SLC24A3: variants seen among roughly 807,000 people sequenced by gnomAD.
SLC24A3 encodes solute carrier family 24 member 3, also known as sodium/potassium/calcium exchanger 3.
Under a neutral mutation model 75.8 loss-of-function variants are expected in SLC24A3, and 28 were observed. The observed-to-expected ratio is 0.37, with a 90% CI of 0.27 to 0.51. The LOEUF is 0.51. SLC24A3 is among the 20% of genes least tolerant of loss of function. SLC24A3 has a pLI of 0.94. For missense variants in SLC24A3, 663 were observed against 847.8 expected (o/e 0.78, Z 2.71); for synonymous variants, 372 against 334.1 (o/e 1.11, Z -1.24).
chr20:19,312,658 C>T (rs1220393725), intron 2 of SLC24A3, among the ~76,000 whole-genome samples: 1 of 152,222 alleles, frequency 6.6e-6, no homozygotes, highest in Non-Finnish European at 1.5e-5. Flanking sequence ...ACTTGCTAAA[C>T]TGCTGCCTTG....
chr20:19,643,973 C>G (rs1484310102), intron 6 of SLC24A3, among the ~76,000 whole-genome samples: 1 of 152,192 alleles, frequency 6.6e-6, no homozygotes, highest in Non-Finnish European at 1.5e-5. Flanking sequence ...GTTTGGACTT[C>G]TTTATACCGT....
At chr20:19,685,468 T>C in intron 12 of SLC24A3, 107 bp downstream of exon 12, 3 of 1,512,938 alleles carry the variant, frequency 2.0e-6, no homozygotes, top group Non-Finnish European at 2.7e-6. Flanking sequence ...AAAATCTCTG[T>C]ATGAACATGA....
At chr20:19,477,567 C>T (rs959077420) in intron 2 of SLC24A3, among the ~76,000 whole-genome samples, 4 of 152,180 alleles carry the variant, frequency 2.6e-5, no homozygotes, top group Non-Finnish European at 5.9e-5. Context: ...GAGATCAGTG[C>T]TTCATCCAGA....
chr20:19,369,943 C>G (rs1423047595), intron 2 of SLC24A3, among the ~76,000 whole-genome samples: 1 of 152,152 alleles, frequency 6.6e-6, no homozygotes, highest in Non-Finnish European at 1.5e-5. Context: ...GCTGAGGTTA[C>G]AAGCGTGAGC....
Position 19,546,186 on chromosome 20 carries a change from A to AACCAGGT in SLC24A3, c.348+30623_348+30624insCCAGGTA, listed in dbSNP as rs1555799271. Among the ~76,000 whole-genome samples the AACCAGGT allele has an allele frequency of 2.8e-5, 4 of 143,542 alleles. No individual in the cohort carries two copies. In the East Asian group the frequency reaches 8.2e-4, roughly 29 times the overall value. The allele number at this position is 143,542 out of a possible 152,430, so 94.2% of individuals were successfully genotyped here. On this transcript the variant is annotated intron_variant, in intron 3 of 16. Coordinates refer to ENST00000328041, the MANE Select transcript of SLC24A3 (RefSeq NM_020689.4). ...AAAAAAAAAAAAAAAAAAAAAAAAA[A>AACCAGGT]AACCAGGTAATCGACCTGAGCCTTC... is the stretch of plus-strand genomic sequence containing the variant.
At chr20:19,251,824 C>T (rs929750497) in intron 1 of SLC24A3, among the ~76,000 whole-genome samples, 1 of 152,192 alleles carries the variant, frequency 6.6e-6, no homozygotes, top group African/African-American at 2.4e-5. Flanking sequence ...CAGGACACTG[C>T]ACCAGGGCAG....
At chr20:19,669,852 T>C (rs768700746) in intron 8 of SLC24A3, among the ~76,000 whole-genome samples, 1 of 151,966 alleles carries the variant, frequency 6.6e-6, no homozygotes, top group African/African-American at 2.4e-5. Context: ...GAACCGTCTT[T>C]GGTGAGAATC....
chr20:19,307,910 A>G (rs1340732914), intron 2 of SLC24A3, among the ~76,000 whole-genome samples: 2 of 152,336 alleles, frequency 1.3e-5, no homozygotes, highest in African/African-American at 2.4e-5. Flanking sequence ...CCCAGCAGAC[A>G]TCGGTTTGCT....
chr20:19,564,191 A>G (rs2030920753), intron 3 of SLC24A3, among the ~76,000 whole-genome samples: 1 of 152,178 alleles, frequency 6.6e-6, no homozygotes, highest in African/African-American at 2.4e-5. Flanking sequence ...AGTAGTAGGG[A>G]GGGAATATCA....
At chr20:19,319,296 T>G (rs899057224) in intron 2 of SLC24A3, among the ~76,000 whole-genome samples, 5 of 152,186 alleles carry the variant, frequency 3.3e-5, no homozygotes, top group Non-Finnish European at 7.3e-5. Context: ...AAAAAGTGTA[T>G]CTCAAGTAAG....
intron 2 of SLC24A3, among the ~76,000 whole-genome samples, 193 bp from the exon 3 acceptor site, chr20:19,515,295 G>T (rs779632793): frequency 6.6e-6 from 1 of 152,200 alleles, no homozygotes; most frequent in Non-Finnish European, 1.5e-5. Context: ...TTCTGCTAAC[G>T]CTACTGTGGT....
At chr20:19,418,829 CTGTT>C (rs1206821675) in intron 2 of SLC24A3, among the ~76,000 whole-genome samples, 1 of 152,110 alleles carries the variant, frequency 6.6e-6, no homozygotes, top group Non-Finnish European at 1.5e-5. Flanking sequence ...GGAAGTAAGT[CTGTT>C]TGGGTCATGT....
At chr20:19,577,682 G>GTA (rs1427917521) in intron 3 of SLC24A3, among the ~76,000 whole-genome samples, 1 of 152,094 alleles carries the variant, frequency 6.6e-6, no homozygotes, top group Admixed American at 6.5e-5. Flanking sequence ...TATAATATGT[G>GTA]TATATACACA....
chr20:19,436,434 C>T (rs779582819), intron 2 of SLC24A3, among the ~76,000 whole-genome samples: 2 of 152,154 alleles, frequency 1.3e-5, no homozygotes, highest in Non-Finnish European at 2.9e-5. Flanking sequence ...GTTCAGTATG[C>T]TCATGTAGAT....
At chr20:19,530,354 CCT>C (rs371909622) in intron 3 of SLC24A3, among the ~76,000 whole-genome samples, 1 of 152,198 alleles carries the variant, frequency 6.6e-6, no homozygotes, top group East Asian at 1.9e-4. Flanking sequence ...GTGCCGAGGG[CCT>C]CTCTCTCTTT....
intron 2 of SLC24A3, among the ~76,000 whole-genome samples, chr20:19,340,326 G>A (rs1174590429): frequency 1.3e-5 from 2 of 152,168 alleles, no homozygotes; most frequent in Non-Finnish European, 2.9e-5. Context: ...GAAAACCAAA[G>A]CTTAGCAGCA....
At chr20:19,702,391 G>T (rs1478342065) in intron 15 of SLC24A3, among the ~76,000 whole-genome samples, 1 of 152,080 alleles carries the variant, frequency 6.6e-6, no homozygotes, top group Non-Finnish European at 1.5e-5. Flanking sequence ...GGATCACTCT[G>T]GTCATTCTGC....
chr20:19,583,074 C>T (rs1056109963), intron 4 of SLC24A3, among the ~76,000 whole-genome samples: 2 of 152,298 alleles, frequency 1.3e-5, no homozygotes, highest in African/African-American at 4.8e-5. Flanking sequence ...TGGGAGGAAA[C>T]TAGATCACAC....
intron 2 of SLC24A3, among the ~76,000 whole-genome samples, chr20:19,378,358 C>A (rs1986123087): frequency 1.3e-5 from 2 of 152,216 alleles, no homozygotes; most frequent in South Asian, 4.2e-4. Context: ...TGGAAGCCAT[C>A]AGTGGACAAA....
Sources: gnomAD v4.1 joint callset for allele counts (sites outside exome capture counted in the v4.1 genomes callset) on GRCh38, gnomAD v4.1.1 for gene constraint, MANE v1.5 for transcripts, NCBI Gene and HGNC (gene_info 2026-07-23, HGNC 2026-07-21) for gene names.